PLCL1: variants seen among roughly 807,000 people sequenced by gnomAD.
PLCL1 encodes inactive phospholipase C-like protein 1.
Under a neutral mutation model 84.4 loss-of-function variants are expected in PLCL1, and 41 were observed. The ratio of observed to expected loss-of-function variants is 0.49; its 90% CI spans 0.38 to 0.63. PLCL1 has a LOEUF of 0.63. Ranked by LOEUF, PLCL1 falls within the 30% of genes least tolerant of loss-of-function variation. The pLI is 0.00. For missense variants in PLCL1, 1,206 were observed against 1,367.8 expected (o/e 0.88, Z 1.87); for synonymous variants, 490 against 488.3 (o/e 1.00, Z -0.05).
rs576134930 is a variant in PLCL1, at chr2:198,136,027, A to T, written c.3106-10753A>T. 6.6e-5 allele frequency among the ~76,000 whole-genome samples: 10 copies of T among 152,250 alleles called. No individual in the cohort carries two copies. The East Asian group carries it at 1.5e-3, about 24-fold the overall frequency. The stretch of plus-strand genomic sequence containing the variant: ...AATGCAATTGTCATTTTTATTTTAA[A>T]CATGGGGTCTTTTTTTGGACTAATG... On this transcript the variant is annotated intron_variant, in intron 5 of 5. Coordinates refer to ENST00000428675, the MANE Select transcript of PLCL1 (RefSeq NM_006226.4).
intron 1 of PLCL1, among the ~76,000 whole-genome samples, chr2:198,044,509 A>G (rs1170969331): frequency 6.6e-6 from 1 of 152,172 alleles, no homozygotes; most frequent in African/African-American, 2.4e-5. Flanking sequence ...AGAGAGGAAC[A>G]ATTTCTGTAG....
chr2:198,032,278 A>G (rs569831355), intron 1 of PLCL1, among the ~76,000 whole-genome samples: 3 of 152,328 alleles, frequency 2.0e-5, no homozygotes, highest in Non-Finnish European at 4.4e-5. Context: ...CGGCTGCACT[A>G]GGCAAACACA....
chr2:198,074,431 T>A (rs2105888025), intron 1 of PLCL1, among the ~76,000 whole-genome samples: 1 of 152,316 alleles, frequency 6.6e-6, no homozygotes, highest in Non-Finnish European at 1.5e-5. Context: ...TATGCTTAAT[T>A]CAAATTTAGA....
At chr2:198,110,721 C>A (rs1693598332) in intron 5 of PLCL1, among the ~76,000 whole-genome samples, 2 of 151,738 alleles carry the variant, frequency 1.3e-5, no homozygotes, top group Non-Finnish European at 2.9e-5. Flanking sequence ...TGTGAATGTT[C>A]AAACCAGGCT....
intron 1 of PLCL1, among the ~76,000 whole-genome samples, chr2:198,044,468 A>T (rs1427839003): frequency 6.6e-6 from 1 of 152,210 alleles, no homozygotes; most frequent in Non-Finnish European, 1.5e-5. Context: ...ACTCAGGAGG[A>T]ATCCTGCGAA....
intron 1 of PLCL1, among the ~76,000 whole-genome samples, chr2:197,893,205 C>G (rs1688064610): frequency 6.6e-6 from 1 of 152,078 alleles, no homozygotes. Context: ...TTTAGAGTAC[C>G]TCTTTTGTCT....
At chr2:197,943,919 T>C (rs1460948603) in intron 1 of PLCL1, among the ~76,000 whole-genome samples, 1 of 152,224 alleles carries the variant, frequency 6.6e-6, no homozygotes, top group Non-Finnish European at 1.5e-5. Flanking sequence ...AGCCCTTTGC[T>C]TCCTGCCCCA....
chr2:197,829,231 A>G (rs1292983892), intron 1 of PLCL1, among the ~76,000 whole-genome samples: 1 of 152,218 alleles, frequency 6.6e-6, no homozygotes, highest in Non-Finnish European at 1.5e-5. Flanking sequence ...TAGTAAAGAA[A>G]CAGATTTTTC....
intron 1 of PLCL1, among the ~76,000 whole-genome samples, chr2:197,844,263 A>G (rs1017581859): frequency 2.0e-5 from 3 of 152,106 alleles, no homozygotes; most frequent in Non-Finnish European, 4.4e-5. Flanking sequence ...GAAGGAGCAC[A>G]CCTTCTCCCA....
intron 1 of PLCL1, among the ~76,000 whole-genome samples, chr2:197,868,836 G>C (rs1282650452): frequency 6.6e-6 from 1 of 151,870 alleles, no homozygotes; most frequent in East Asian, 1.9e-4. Context: ...CTTTTAACAG[G>C]TTTGGTTCAG....
At chr2:198,130,403 ACAGTT>A (rs1192842938) in intron 5 of PLCL1, among the ~76,000 whole-genome samples, 4 of 152,166 alleles carry the variant, frequency 2.6e-5, no homozygotes, top group African/African-American at 9.7e-5. Flanking sequence ...CCTGGGGGAC[ACAGTT>A]CATGCAAAGG....
At chr2:198,014,756 G>A (rs1690951286) in intron 1 of PLCL1, among the ~76,000 whole-genome samples, 1 of 152,008 alleles carries the variant, frequency 6.6e-6, no homozygotes, top group African/African-American at 2.4e-5. Flanking sequence ...ACACAGATTA[G>A]CCTTTGCAAA....
intron 1 of PLCL1, among the ~76,000 whole-genome samples, chr2:197,971,741 T>A (rs1311974497): frequency 6.6e-6 from 1 of 152,192 alleles, no homozygotes; most frequent in African/African-American, 2.4e-5. Flanking sequence ...TCAGGTGACT[T>A]TTACTTTCTT....
At chr2:197,906,200 T>C (rs565212107) in intron 1 of PLCL1, among the ~76,000 whole-genome samples, 1 of 152,332 alleles carries the variant, frequency 6.6e-6, no homozygotes, top group South Asian at 2.1e-4. Flanking sequence ...TGGTTTCAGG[T>C]CTTACGTTTA....
intron 1 of PLCL1, among the ~76,000 whole-genome samples, chr2:197,992,686 C>T (rs1690369805): frequency 1.3e-5 from 2 of 152,150 alleles, no homozygotes; most frequent in Admixed American, 6.6e-5. Context: ...AAACTGTACT[C>T]ATTAAACACT....
intron 1 of PLCL1, among the ~76,000 whole-genome samples, chr2:197,940,640 T>A (rs1435621646): frequency 1.3e-5 from 2 of 152,134 alleles, no homozygotes; most frequent in Admixed American, 6.5e-5. Context: ...TTTGCTTAAA[T>A]TGATTATGTG....
At chr2:197,961,726 T>C (rs1008505545) in intron 1 of PLCL1, among the ~76,000 whole-genome samples, 2 of 151,976 alleles carry the variant, frequency 1.3e-5, no homozygotes, top group Non-Finnish European at 2.9e-5. Context: ...TAATAGACTC[T>C]ATGTGAGAGG....
At chr2:198,100,323 A>G (rs993135684) in intron 3 of PLCL1, among the ~76,000 whole-genome samples, 1 of 152,150 alleles carries the variant, frequency 6.6e-6, no homozygotes, top group Non-Finnish European at 1.5e-5. Flanking sequence ...AAAAAATTCC[A>G]TGAACAGATT....
intron 1 of PLCL1, among the ~76,000 whole-genome samples, chr2:197,897,894 G>C (rs1165047674): frequency 6.6e-6 from 1 of 152,128 alleles, no homozygotes; most frequent in Non-Finnish European, 1.5e-5. Flanking sequence ...TTTTTGTTAT[G>C]TCAGAAGTGG....
Sources: allele counts gnomAD v4.1 joint callset (sites outside exome capture counted in the v4.1 genomes callset), GRCh38; gene constraint gnomAD v4.1.1; transcripts MANE v1.5; gene names NCBI Gene and HGNC (gene_info 2026-07-23, HGNC 2026-07-21).